Variants in SCAF1 observed in about 807,000 individuals in gnomAD.
The protein encoded by SCAF1 is splicing factor, arginine/serine-rich 19.
A neutral mutation model predicts 91.2 loss-of-function variants in SCAF1; 28 were observed. That is an observed-to-expected ratio of 0.31 (90% confidence interval 0.23 to 0.42). The LOEUF is 0.42. Among genes scored for constraint, SCAF1 ranks in the 10% least tolerant of loss-of-function variants. The pLI is 1.00. For missense variants in SCAF1, 1,893 were observed against 1,872.1 expected, an observed-to-expected ratio of 1.01 and a Z score of -0.21; for synonymous variants, 1,036 against 833.7, an observed-to-expected ratio of 1.24 and a Z score of -4.18.
Position 49,645,092 on chromosome 19 carries a change from G to T in SCAF1, c.66G>T (p.Pro22=). The T allele has an allele frequency of 1.2e-6, 2 of 1,614,152 alleles. No individual in the cohort carries two copies. The highest frequency in any genetic ancestry group is 1.7e-6 in the Non-Finnish European group (2 of 1,180,010). The stretch of plus-strand genomic sequence containing the variant: ...CGGGGGAGGATCGGGGCGATGGTCC[G>T]CCAGACAGAGACCCCACGCTTTCTC... The part of the protein sequence containing the change: ...EESGEDRGDG[P]PDRDPTLSPS... The change falls in exon 2 of 11, where the codon CCG becomes CCT. Residue 22 remains proline, a synonymous_variant. Transcript: ENST00000360565. The surrounding 1 kb of genome is among the most constrained non-coding windows in gnomAD (Gnocchi z 4.6).
At position 49,654,816 on chromosome 19, in the gene SCAF1, G is replaced by T; in HGVS notation, c.3564G>T (p.Thr1188=). Reference sequence around the variant, plus strand: ...CCACCCCCACCGGGCTGGCTGCCACGTCTGACAAGAGAGAGGGCAGCAGCA... The same window carrying T: ...CCACCCCCACCGGGCTGGCTGCCACTTCTGACAAGAGAGAGGGCAGCAGCA... ...TPPTPTGLAA[T]SDKREGSSSS... The change falls in exon 9 of 11, where the codon ACG becomes ACT. Residue 1188 remains threonine (T), a synonymous_variant. Coordinates refer to ENST00000360565, the MANE Select transcript of SCAF1 (RefSeq NM_021228.3). The T allele has an allele frequency of 1.9e-6, 3 of 1,612,464 alleles. No individual in the cohort carries two copies. The highest frequency in any genetic ancestry group is 2.5e-6 in the Non-Finnish European group (3 of 1,179,298).
chr19:49,652,167 G>A lies in SCAF1; in HGVS notation c.1778G>A (p.Arg593His). 3 of 1,139,152 alleles carry A rather than the reference G, an allele frequency of 2.6e-6. No individual in the cohort carries two copies. Among genetic ancestry groups the A allele is most frequent in the Non-Finnish European group, 3.2e-6 (3 of 926,140 alleles). 70.6% of individuals were successfully genotyped at this position (1,139,152 alleles called of 1,614,324 possible). A position where few individuals can be genotyped will look rare whatever the true frequency, so the allele number is the denominator to read the frequency against. The change falls in exon 7 of 11, where the codon CGC becomes CAC. Residue 593 changes from arginine to histidine, a missense_variant. Around this residue, in one of 5 missense-constraint regions of SCAF1, gnomAD observed 1,436 missense variants for 1,306.8 expected, o/e 1.10. Coordinates refer to ENST00000360565, the MANE Select transcript of SCAF1 (RefSeq NM_021228.3). ...CGCCGCTCGCGCAGCACCGACCGCCGCCGCGGGGGCAGCCGCAGGTCGCGG... is the reference window on the plus strand; with the variant it reads ...CGCCGCTCGCGCAGCACCGACCGCCACCGCGGGGGCAGCCGCAGGTCGCGG... The part of the protein sequence containing the change: ...TRRRSRSTDR[R>H]RGGSRRSRSR...
At chr19:49,641,019 G>A (rs1030464204), upstream of SCAF1, among the ~76,000 whole-genome samples, 4 of 152,154 alleles carry the variant, frequency 2.6e-5, no homozygotes, top group Non-Finnish European at 5.9e-5. Context: ...GGTAAAGGAG[G>A]GAGCCGGGGG....
Position 49,652,051 on chromosome 19 carries a change from G to A in SCAF1, c.1662G>A (p.Lys554=). 1.6e-6 allele frequency: 2 copies of A among 1,232,892 alleles called. No homozygotes were observed. The highest frequency in any genetic ancestry group is 1.0e-6 in the Non-Finnish European group (1 of 975,080). The allele number at this position is 1,232,892 out of a possible 1,614,324, so 76.4% of individuals were successfully genotyped here. ...CGGCCTCGCCCTGGGACTCCAAGAA[G>A]CACCGCTCGCGGGACCGCAAGCCCG... ...PAPASPWDSK[K]HRSRDRKPGS... The change falls in exon 7 of 11, where the codon AAG becomes AAA. Residue 554 remains lysine (K), a synonymous_variant. Transcript: ENST00000360565.
chr19:49,655,076 C>T (rs1398518471), intron 9 of SCAF1, among the ~76,000 whole-genome samples: 3 of 152,166 alleles, frequency 2.0e-5, no homozygotes, highest in Non-Finnish European at 4.4e-5. Context: ...AGGAAAATCG[C>T]GTCTGTGCGT....
intron 9 of SCAF1, among the ~76,000 whole-genome samples, chr19:49,657,371 G>A (rs1330120575): frequency 2.0e-5 from 3 of 150,750 alleles, no homozygotes; most frequent in Non-Finnish European, 3.0e-5. Context: ...CCGCTCCCGC[G>A]GTGAAAAGCC....
intron 6 of SCAF1, among the ~76,000 whole-genome samples, chr19:49,649,264 G>A (rs1250098922): frequency 1.3e-5 from 2 of 152,008 alleles, no homozygotes; most frequent in Non-Finnish European, 1.5e-5. Flanking sequence ...TTTGCAGAGC[G>A]CTCTAGTCTG....
chr19:49,656,115 T>G (rs1184885211), intron 9 of SCAF1, among the ~76,000 whole-genome samples: 1 of 152,248 alleles, frequency 6.6e-6, no homozygotes, highest in Non-Finnish European at 1.5e-5. Flanking sequence ...TGCAGTTTAG[T>G]CGGTCACTTG....
rs369861842 is a variant in SCAF1 at position 49,652,411 on chromosome 19, G to A, written c.2022G>A (p.Ser674=). Reference sequence around the variant, plus strand: ...CCCCGCCGCCCTCTGGCTCCACCTCGTGTGGTGACCGCGACAGCCGCCGCC... The same window carrying A: ...CCCCGCCGCCCTCTGGCTCCACCTCATGTGGTGACCGCGACAGCCGCCGCC... ...APAPPPSGST[S]CGDRDSRRRG... The change falls in exon 7 of 11, where the codon TCG becomes TCA. Residue 674 remains serine, a synonymous_variant. Coordinates refer to ENST00000360565, the MANE Select transcript of SCAF1 (RefSeq NM_021228.3). 4 of 1,593,438 alleles carry A rather than the reference G, an allele frequency of 2.5e-6. No homozygotes were observed. Among genetic ancestry groups the A allele is most frequent in the East Asian group, 4.5e-5 (2 of 44,306 alleles).
In SCAF1 at chr19:49,652,437, G is replaced by A. The variant is rs753233955; in HGVS notation, c.2048G>A (p.Arg683Gln). ...TGTGGTGACCGCGACAGCCGCCGCC[G>A]GGGGGCCGTGCCACCCTCCATCCAG... The part of the protein sequence containing the change: ...TSCGDRDSRR[R>Q]GAVPPSIQDL... The change falls in exon 7 of 11, where the codon CGG (arginine) becomes CAG (glutamine). Residue 683 changes from arginine (R) to glutamine (Q), a missense_variant. This residue lies in a region of SCAF1 where 1,436 missense variants were observed against 1,306.8 expected (regional missense o/e 1.10). Coordinates refer to ENST00000360565, the MANE Select transcript of SCAF1 (RefSeq NM_021228.3). 1.3e-6 allele frequency: 2 copies of A among 1,598,708 alleles called. No individual in the cohort carries two copies. Among genetic ancestry groups the A allele is most frequent in the East Asian group, 4.5e-5 (2 of 44,550 alleles).
In SCAF1 at chr19:49,651,980, G is replaced by A; in HGVS notation, c.1591G>A (p.Glu531Lys). The A allele has an allele frequency of 8.3e-7, 1 of 1,201,034 alleles. No individual in the cohort carries two copies. Among genetic ancestry groups the A allele is most frequent in the Non-Finnish European group, 1.0e-6 (1 of 957,160 alleles). 74.4% of individuals were successfully genotyped at this position (1,201,034 alleles called of 1,614,324 possible). A position where few individuals can be genotyped will look rare whatever the true frequency, so the allele number is the denominator to read the frequency against. ...ACGCAAGCGCAGCGGCGAGGCCAAG[G>A]AGGCCGCCTCGTCCTCGTCGGGCAC... Reference protein sequence around the residue: ...RERKRSGEAKEAASSSSGTQP... With the variant: ...RERKRSGEAKKAASSSSGTQP... The change falls in exon 7 of 11, where the codon GAG becomes AAG. Residue 531 changes from glutamate (E) to lysine (K), a missense_variant. Transcript: ENST00000360565.
At position 49,653,362 on chromosome 19, in the gene SCAF1, C is replaced by T. The variant is rs902047156; in HGVS notation, c.2973C>T (p.Asp991=). 6.7e-6 allele frequency: 10 copies of T among 1,500,962 alleles called. No homozygotes were observed. In the African/African-American group the frequency reaches 1.4e-4, roughly 21 times the overall value. The allele number at this position is 1,500,962 out of a possible 1,614,324, so 93.0% of individuals were successfully genotyped here. The change falls in exon 7 of 11, where the codon GAC becomes GAT. Residue 991 remains aspartate (D), a synonymous_variant. Transcript: ENST00000360565. ...AAPPPPALTP[D]SQTVDSSCKT... Reference sequence around the variant, plus strand: ...CACCACCCCCTGCCCTCACTCCGGACTCGCAGACCGTGGACAGCAGCTGCA... The same window carrying T: ...CACCACCCCCTGCCCTCACTCCGGATTCGCAGACCGTGGACAGCAGCTGCA...
Position 49,645,195 on chromosome 19 carries a change from GC to G in SCAF1, c.108+63del. 1 of 1,541,624 alleles carries G rather than the reference GC, an allele frequency of 6.5e-7. No homozygotes were observed. The highest frequency in any genetic ancestry group is 9.0e-7 in the Non-Finnish European group (1 of 1,116,724). ...GGAGCTGGGCATCCACACTCCAGGG[GC>G]CTGACTCCAGGGCCTGAGGCAGGGG... On this transcript the variant is annotated intron_variant, in intron 2 of 10. Coordinates refer to ENST00000360565, the MANE Select transcript of SCAF1 (RefSeq NM_021228.3). This position sits in a 1 kb window ranked among gnomAD's most constrained non-coding sequence, Gnocchi z 4.6.
rs2081120267 is a variant in SCAF1 at position 49,653,723 on chromosome 19, G to C, written c.3316+18G>C. ...CCTGGCCTGTGAGTGTCCCCTGGGG[G>C]AGGGTGGTGCTGGGGCAGGTGAGAC... On this transcript the variant is annotated intron_variant, in intron 7 of 10. Transcript: ENST00000360565. 6.6e-7 allele frequency: 1 copy of C among 1,514,324 alleles called. No homozygotes were observed. Among genetic ancestry groups the C allele is most frequent in the Non-Finnish European group, 8.8e-7 (1 of 1,136,832 alleles). 93.8% of individuals were successfully genotyped at this position (1,514,324 alleles called of 1,614,324 possible).
intron 1 of SCAF1, among the ~76,000 whole-genome samples, chr19:49,643,074 A>G (rs997203394): frequency 6.6e-6 from 1 of 152,196 alleles, no homozygotes; most frequent in African/African-American, 2.4e-5. Context: ...ATAATACGGA[A>G]AGAGAATGAG....
Position 49,645,469 on chromosome 19 carries a change from A to T in SCAF1, c.166+58A>T, listed in dbSNP as rs146729776. On this transcript the variant is annotated intron_variant, in intron 3 of 10. Transcript: ENST00000360565. This position sits in a 1 kb window ranked among gnomAD's most constrained non-coding sequence, Gnocchi z 4.6. ...CCCCCTCTCTGCATTCTTTATCCTA[A>T]TGTCATTCATACAAGCTTTTCTGAA... 32 of 1,539,988 alleles carry T rather than the reference A, an allele frequency of 2.1e-5. No homozygotes were observed. In the East Asian group the frequency reaches 7.0e-4, roughly 34 times the overall value.
In SCAF1 at chr19:49,654,427, A is replaced by C. The variant is rs772500229; in HGVS notation, c.3395A>C (p.Asn1132Thr). 1.9e-6 allele frequency: 3 copies of C among 1,612,576 alleles called. No homozygotes were observed. The highest frequency in any genetic ancestry group is 2.2e-5 in the South Asian group (2 of 90,920). Reference protein sequence around the residue: ...AKAQELIQATNQILSHRKPPS... With the variant: ...AKAQELIQATTQILSHRKPPS... The stretch of plus-strand genomic sequence containing the variant: ...GCCCAGGAGCTGATCCAGGCCACCA[A>C]CCAGGTGGGCTCCCCTGGGGGAGAG... Residue 1132 changes from asparagine (N) to threonine (T), a missense_variant, in exon 8 of 11, where the codon AAC (asparagine) becomes ACC (threonine). Physicochemically the swap from Asn to Thr is moderately conservative, Grantham distance 65 (BLOSUM62 0). Around this residue, in one of 5 missense-constraint regions of SCAF1, gnomAD observed 1,436 missense variants for 1,306.8 expected, o/e 1.10. Transcript: ENST00000360565.
In SCAF1 at chr19:49,658,293, G is replaced by A. The variant is rs142913666; in HGVS notation, c.3833G>A (p.Arg1278His). 3.7e-5 allele frequency: 60 copies of A among 1,611,738 alleles called. No individual in the cohort carries two copies. The highest frequency in any genetic ancestry group is 7.6e-6 in the Non-Finnish European group (9 of 1,179,172). The change falls in exon 11 of 11, where the codon CGC becomes CAC. Residue 1278 changes from arginine (R) to histidine (H), a missense_variant. By Grantham distance (29) the Arg-to-His change is conservative. Coordinates refer to ENST00000360565, the MANE Select transcript of SCAF1 (RefSeq NM_021228.3). The stretch of plus-strand genomic sequence containing the variant: ...TACGTCCAGCGCTACCGCTACTTCC[G>A]CAAGCACGGTCGCAAGCCAGGGGAC... ...RAYVQRYRYF[R>H]KHGRKPGDPP...
intron 6 of SCAF1, among the ~76,000 whole-genome samples, chr19:49,649,248 C>T (rs1054613493): frequency 3.3e-5 from 5 of 152,234 alleles, no homozygotes; most frequent in African/African-American, 9.6e-5. Flanking sequence ...CTGTGGATCT[C>T]GCGTGTTTGC....
Sources: allele counts gnomAD v4.1 joint callset (sites outside exome capture counted in the v4.1 genomes callset), GRCh38; gene constraint gnomAD v4.1.1; regional missense constraint gnomAD v4.1.1; non-coding constraint Gnocchi (gnomAD v3.1); transcripts MANE v1.5; gene names NCBI Gene and HGNC (gene_info 2026-07-23, HGNC 2026-07-21).